Variants in DNAH12 observed in about 807,000 individuals in gnomAD.
DNAH12 encodes dynein axonemal heavy chain 12.
DNAH12 carries 285 observed loss-of-function variants against 371.5 expected under a neutral mutation model. The ratio of observed to expected loss-of-function variants is 0.77; its 90% CI spans 0.70 to 0.85. DNAH12 has a LOEUF of 0.85. DNAH12 is among the 40% of genes least tolerant of loss of function. The probability of loss-of-function intolerance (pLI) is 0.00; values close to 1 mark genes in which losing one functional copy is unlikely to be tolerated. For missense variants in DNAH12, 3,611 were observed against 3,689.4 expected, an observed-to-expected ratio of 0.98 and a Z score of 0.55; for synonymous variants, 1,200 against 1,213.0, an observed-to-expected ratio of 0.99 and a Z score of 0.22.
chr3:57,423,735 AG>A (rs763668571), intron 35 of DNAH12, among the ~76,000 whole-genome samples: 2 of 152,200 alleles, frequency 1.3e-5, no homozygotes, highest in African/African-American at 2.4e-5. Context: ...TAGCTAACCA[AG>A]ACTACTGACT....
chr3:57,441,757 A>G (rs1575604325), intron 29 of DNAH12, among the ~76,000 whole-genome samples: 1 of 152,108 alleles, frequency 6.6e-6, no homozygotes, highest in South Asian at 2.1e-4. Flanking sequence ...ATGCCACTGC[A>G]CTCCAGCCTC....
chr3:57,545,927 G>A (rs2069543106), upstream of DNAH12, among the ~76,000 whole-genome samples: 1 of 152,156 alleles, frequency 6.6e-6, no homozygotes, highest in African/African-American at 2.4e-5. Flanking sequence ...TGTGGGTATG[G>A]GCACAGTGGG....
At chr3:57,336,231 A>G (rs1159945355) in intron 60 of DNAH12, among the ~76,000 whole-genome samples, 1 of 152,218 alleles carries the variant, frequency 6.6e-6, no homozygotes, top group Non-Finnish European at 1.5e-5. Flanking sequence ...GGAATACAAA[A>G]TGTCCAGCAT....
rs551423575 is a variant in DNAH12, at chr3:57,475,615, C to CA, written c.1651-2945dup. Among the ~76,000 whole-genome samples, 99 of 151,900 alleles carry CA rather than the reference C, an allele frequency of 6.5e-4. No individual in the cohort carries two copies. In the South Asian group the frequency reaches 9.8e-3, roughly 15 times the overall value. The stretch of plus-strand genomic sequence containing the variant: ...ATCAATAAGGAAAAGGTACATAACC[C>CA]AAAAAAATAAATGAGCAAAATGTAT... On this transcript the variant is annotated intron_variant, in intron 13 of 73. Coordinates refer to ENST00000495027, the MANE Select transcript of DNAH12 (RefSeq NM_001366028.2).
intron 70 of DNAH12, among the ~76,000 whole-genome samples, chr3:57,298,732 G>C (rs750469622): frequency 7.9e-5 from 12 of 152,056 alleles, no homozygotes; most frequent in Non-Finnish European, 1.6e-4. Flanking sequence ...GCTTTCTTGT[G>C]CCATAAGAAC....
intron 11 of DNAH12, among the ~76,000 whole-genome samples, chr3:57,492,232 G>A (rs1170883232): frequency 1.3e-5 from 2 of 151,856 alleles, no homozygotes; most frequent in Non-Finnish European, 2.9e-5. Context: ...AGGCTGGGGC[G>A]GGCAGAGCAC....
At chr3:57,380,402 GC>G (rs1190056239) in intron 50 of DNAH12, 35 bp from the exon 51 acceptor site, 1 of 152,150 alleles carries the variant, frequency 6.6e-6, no homozygotes, top group African/African-American at 2.4e-5. Flanking sequence ...TGTTAAATTT[GC>G]AACTAAAAAT....
At chr3:57,515,384 T>TAA (rs36112836) in intron 4 of DNAH12, among the ~76,000 whole-genome samples, 8 of 151,494 alleles carry the variant, frequency 5.3e-5, no homozygotes, top group East Asian at 1.9e-4. Context: ...ATGGGATATG[T>TAA]AAAAAAAAGA....
chr3:57,349,107 A>G (rs991484822), intron 60 of DNAH12, among the ~76,000 whole-genome samples: 50 of 152,336 alleles, frequency 3.3e-4, no homozygotes, highest in Non-Finnish European at 5.6e-4. Flanking sequence ...TCCAGAATCT[A>G]CAAGGAACTC....
At chr3:57,447,903 G>C (rs1280574763) in intron 25 of DNAH12, among the ~76,000 whole-genome samples, 3 of 152,134 alleles carry the variant, frequency 2.0e-5, no homozygotes, top group African/African-American at 7.2e-5. Flanking sequence ...TCAAACTCCT[G>C]AGCTCAAGCC....
chr3:57,446,882 C>A (rs9855748), intron 25 of DNAH12, among the ~76,000 whole-genome samples, 193 bp from the exon 26 acceptor site: 64,233 of 151,764 alleles, frequency 0.42, 15,125 homozygotes, highest in South Asian at 0.57. Flanking sequence ...AAAAAAGTGA[C>A]AATGTATCAA....
At chr3:57,297,464 T>C (rs183641042) in intron 70 of DNAH12, among the ~76,000 whole-genome samples, 151 of 151,942 alleles carry the variant, frequency 9.9e-4, no homozygotes, top group African/African-American at 3.6e-3. Flanking sequence ...CGAGTGATTC[T>C]CCTGTCTCAG....
chr3:57,392,215 T>C (rs1244110381), intron 44 of DNAH12, 149 bp from the exon 45 acceptor site: 3 of 152,204 alleles, frequency 2.0e-5, no homozygotes, highest in African/African-American at 7.2e-5. Flanking sequence ...GGCTTTGACA[T>C]AGTTTGTACT....
chr3:57,322,266 T>C, intron 65 of DNAH12, 77 bp downstream of exon 65: 1 of 1,374,016 alleles, frequency 7.3e-7, no homozygotes, highest in East Asian at 2.6e-5. Context: ...TACAAAAGCA[T>C]TATTAAACAA....
chr3:57,361,617 T>G (rs974995632), intron 58 of DNAH12, among the ~76,000 whole-genome samples: 2 of 151,680 alleles, frequency 1.3e-5, no homozygotes, highest in African/African-American at 4.8e-5. Flanking sequence ...TGTCTAAGAA[T>G]CTCTATTTAT....
chr3:57,411,526 C>CAAAAAAAAAAAAAAAA (rs57344840), intron 39 of DNAH12, among the ~76,000 whole-genome samples: 2 of 39,152 alleles, frequency 5.1e-5, no homozygotes, highest in African/African-American at 1.5e-4. Flanking sequence ...GACACTGTCT[C>CAAAAAAAAAAAAAAAA]AAAAAAAAAA....
chr3:57,445,702 A>G (rs2065468457), intron 27 of DNAH12, among the ~76,000 whole-genome samples: 1 of 152,136 alleles, frequency 6.6e-6, no homozygotes, highest in Non-Finnish European at 1.5e-5. Context: ...CACTCAAAAA[A>G]TATTGGCTGG....
intron 23 of DNAH12, among the ~76,000 whole-genome samples, chr3:57,454,480 CAAAA>C (rs5849208): frequency 8.2e-6 from 1 of 122,144 alleles, no homozygotes; most frequent in Non-Finnish European, 1.8e-5. Flanking sequence ...AACTACATCT[CAAAA>C]AAAAAAAAAA....
chr3:57,437,620 C>A (rs962271607), intron 29 of DNAH12, among the ~76,000 whole-genome samples: 1 of 152,020 alleles, frequency 6.6e-6, no homozygotes, highest in East Asian at 1.9e-4. Flanking sequence ...AGGACTTAGC[C>A]AAAGTAGGAA....
Sources: allele counts gnomAD v4.1 joint callset (sites outside exome capture counted in the v4.1 genomes callset), GRCh38; gene constraint gnomAD v4.1.1; transcripts MANE v1.5; gene names NCBI Gene and HGNC (gene_info 2026-07-23, HGNC 2026-07-21).